BIRC6: variants seen among roughly 807,000 people sequenced by gnomAD.
The protein encoded by BIRC6 is dual E2 ubiquitin-conjugating enzyme/E3 ubiquitin-protein ligase BIRC6.
BIRC6 carries 98 observed loss-of-function variants against 503.3 expected under a neutral mutation model. That is an observed-to-expected ratio of 0.19 (90% confidence interval 0.17 to 0.23). BIRC6 has a LOEUF of 0.23. Among genes scored for constraint, BIRC6 ranks in the 10% least tolerant of loss-of-function variants. The pLI, the probability that BIRC6 is intolerant of heterozygous loss-of-function variation, is 1.00. For missense variants in BIRC6, 5,360 were observed against 5,806.0 expected (o/e 0.92, Z 2.50); for synonymous variants, 2,240 against 2,078.7 (o/e 1.08, Z -2.11).
At chr2:32,561,969 G>A (rs554319825) in intron 65 of BIRC6, among the ~76,000 whole-genome samples, 1 of 151,900 alleles carries the variant, frequency 6.6e-6, no homozygotes, top group Non-Finnish European at 1.5e-5. Flanking sequence ...TTGAACCCGG[G>A]AGGTGAAGGT....
Position 32,543,445 on chromosome 2 carries a change from C to T in BIRC6, c.12496C>T (p.Arg4166Cys). The T allele has an allele frequency of 6.2e-7, 1 of 1,613,998 alleles. No individual in the cohort carries two copies. The highest frequency in any genetic ancestry group is 2.2e-5 in the East Asian group (1 of 44,876). The change falls in exon 62 of 74, where the codon CGT becomes TGT. Residue 4166 changes from arginine to cysteine, a missense_variant. Physicochemically the swap from Arg to Cys is radical, Grantham distance 180. Transcript: ENST00000421745. ...TTTGGCTGCTTTTGGATTATTTCTT[C>T]GTCTTCCGGGCTATGCGGAAGTGCT... The part of the protein sequence containing the change: ...HSLAAFGLFL[R>C]LPGYAEVLLK...
At chr2:32,531,061 C>G (rs2056709589) in intron 60 of BIRC6, among the ~76,000 whole-genome samples, 2 of 152,134 alleles carry the variant, frequency 1.3e-5, no homozygotes, top group Admixed American at 1.3e-4. Context: ...TTACAAATGA[C>G]CAGCATCATA....
At chr2:32,606,169 C>T (rs140310394) in intron 71 of BIRC6, among the ~76,000 whole-genome samples, 74 of 152,266 alleles carry the variant, frequency 4.9e-4, no homozygotes, top group East Asian at 9.7e-4. Context: ...TCTATAGATA[C>T]ATTAACTGGA....
At chr2:32,591,159 T>A (rs1275737333) in intron 66 of BIRC6, among the ~76,000 whole-genome samples, 1 of 152,186 alleles carries the variant, frequency 6.6e-6, no homozygotes, top group Non-Finnish European at 1.5e-5. Flanking sequence ...AGATTTTCTT[T>A]TTTTCGGTGT....
At position 32,489,975 on chromosome 2, in the gene BIRC6, T is replaced by C. The variant is rs984264057; in HGVS notation, c.8096-66T>C. On this transcript the variant is annotated intron_variant, in intron 42 of 73. Transcript: ENST00000421745. ...AGTGTCTTGTTTTTAAATTTATTCT[T>C]TTGACTTAGTTCTTCATAAACATTG... 77 of 1,104,554 alleles carry C rather than the reference T, an allele frequency of 7.0e-5. No individual in the cohort carries two copies. In the African/African-American group the frequency reaches 1.1e-3, roughly 16 times the overall value. The allele number at this position is 1,104,554 out of a possible 1,614,324, so 68.4% of individuals were successfully genotyped here. A position where few individuals can be genotyped will look rare whatever the true frequency, so the allele number is the denominator to read the frequency against.
chr2:32,422,019 T>G (rs534064413), intron 10 of BIRC6, among the ~76,000 whole-genome samples: 7 of 152,242 alleles, frequency 4.6e-5, no homozygotes, highest in Non-Finnish European at 1.0e-4. Flanking sequence ...GTTTCATAAT[T>G]GTTACATCGT....
In BIRC6 at chr2:32,387,803, A is replaced by C. The variant is rs566408771; in HGVS notation, c.646-947A>C. On this transcript the variant is annotated intron_variant, in intron 3 of 73. Transcript: ENST00000421745. Reference sequence around the variant, plus strand: ...GTACTGGATGAATAGGAAAAATGACAGATGATTTTAGTTGTCCTTAATTTT... The same window carrying C: ...GTACTGGATGAATAGGAAAAATGACCGATGATTTTAGTTGTCCTTAATTTT... Among the ~76,000 whole-genome samples, 3 of 152,358 alleles carry C rather than the reference A, an allele frequency of 2.0e-5. No homozygotes were observed. The East Asian group carries it at 5.8e-4, about 29-fold the overall frequency.
Position 32,439,603 on chromosome 2 carries a change from G to A in BIRC6, c.3727G>A (p.Val1243Ile). The change falls in exon 16 of 74, where the codon GTA (valine) becomes ATA (isoleucine). Residue 1243 changes from valine (V) to isoleucine (I), a missense_variant. Val to Ile is a conservative substitution (Grantham distance 29, BLOSUM62 3). Transcript: ENST00000421745. ...GATTTGTAATGGTGGTATGCGTCCT[G>A]TAGTAAGGCTTCCATCCCTAAAACA... ...EEICNGGMRP[V>I]VRLPSLKHQS... 1.2e-6 allele frequency: 2 copies of A among 1,613,932 alleles called. No homozygotes were observed. The highest frequency in any genetic ancestry group is 1.1e-5 in the South Asian group (1 of 91,082).
At chr2:32,601,532 G>A (rs2062057875) in intron 70 of BIRC6, among the ~76,000 whole-genome samples, 1 of 152,088 alleles carries the variant, frequency 6.6e-6, no homozygotes, top group Non-Finnish European at 1.5e-5. Flanking sequence ...GGTGAGCCCA[G>A]ATTGTGCCAT....
chr2:32,393,861 A>G (rs1396973343), intron 5 of BIRC6, among the ~76,000 whole-genome samples: 1 of 152,114 alleles, frequency 6.6e-6, no homozygotes. Context: ...ACGTTAAAGT[A>G]ACTGTCATTT....
In BIRC6 at chr2:32,560,929, G is replaced by A. The variant is rs553210652; in HGVS notation, c.13144+11448G>A. On this transcript the variant is annotated intron_variant, in intron 65 of 73. Transcript: ENST00000421745. ...TTGACCTGCAAGTAGGCCGGGGGCG[G>A]TGGCTCACACCTGTAATCCCAGCAC... Among the ~76,000 whole-genome samples the A allele has an allele frequency of 2.6e-5, 4 of 152,042 alleles. No homozygotes were observed. In the South Asian group the frequency reaches 8.3e-4, roughly 32 times the overall value.
chr2:32,566,152 A>C (rs983722033), intron 65 of BIRC6: 7 of 152,180 alleles, frequency 4.6e-5, no homozygotes, highest in African/African-American at 1.7e-4. Context: ...CCACCCCAAA[A>C]TGACATTATA....
In BIRC6 at chr2:32,513,165, T is replaced by C. The variant is rs2054608362; in HGVS notation, c.10568+11T>C. 6.2e-7 allele frequency: 1 copy of C among 1,603,632 alleles called. No individual in the cohort carries two copies. The highest frequency in any genetic ancestry group is 8.5e-7 in the Non-Finnish European group (1 of 1,171,710). ...CCAAGAGCTCTTTGAGTAAGTATGATTTGTGAAATCTTTTTTATCCCCCAG... is the reference window on the plus strand; with the variant it reads ...CCAAGAGCTCTTTGAGTAAGTATGACTTGTGAAATCTTTTTTATCCCCCAG... On this transcript the variant is annotated intron_variant, in intron 54 of 73. Transcript: ENST00000421745.
chr2:32,405,658 T>C (rs979634253), intron 8 of BIRC6, among the ~76,000 whole-genome samples: 6 of 152,198 alleles, frequency 3.9e-5, no homozygotes, highest in Non-Finnish European at 7.3e-5. Flanking sequence ...GTCATAGTTT[T>C]CCTATATGTA....
intron 3 of BIRC6, among the ~76,000 whole-genome samples, chr2:32,382,600 G>A (rs1239909993): frequency 6.6e-6 from 1 of 152,234 alleles, no homozygotes; most frequent in African/African-American, 2.4e-5. Context: ...TTAAAGGGTA[G>A]ATTTGGAGCT....
At chr2:32,391,079 G>A (rs973379955) in intron 4 of BIRC6, among the ~76,000 whole-genome samples, 1 of 152,152 alleles carries the variant, frequency 6.6e-6, no homozygotes, top group African/African-American at 2.4e-5. Context: ...TGAGATCTAT[G>A]CCTATTTTGA....
intron 28 of BIRC6, 48 bp from the exon 29 acceptor site, chr2:32,468,389 A>G (rs141965555): frequency 5.7e-6 from 8 of 1,405,658 alleles, no homozygotes; most frequent in African/African-American, 1.4e-5. Flanking sequence ...ACATGTACAT[A>G]AAGAGGACAT....
intron 6 of BIRC6, among the ~76,000 whole-genome samples, chr2:32,397,574 CTGTGTGTGTG>C (rs147651911): frequency 2.2e-5 from 3 of 138,020 alleles, no homozygotes; most frequent in Non-Finnish European, 3.1e-5. Context: ...CCCGTAAAGG[CTGTGTGTGTG>C]TGTGTGTGTG....
chr2:32,583,543 A>G (rs554578576), intron 66 of BIRC6, among the ~76,000 whole-genome samples: 60 of 152,330 alleles, frequency 3.9e-4, no homozygotes, highest in African/African-American at 1.3e-3. Context: ...TTTTATGTCA[A>G]AATAGAGATT....
Sources: allele counts gnomAD v4.1 joint callset (sites outside exome capture counted in the v4.1 genomes callset), GRCh38; gene constraint gnomAD v4.1.1; transcripts MANE v1.5; gene names NCBI Gene and HGNC (gene_info 2026-07-23, HGNC 2026-07-21).